Variants in CFAP299 observed in about 807,000 individuals in gnomAD.
The protein encoded by CFAP299 is cilia- and flagella-associated protein 299.
In CFAP299, 21 loss-of-function variants were observed where a neutral mutation model predicts 27.0. That is an observed-to-expected ratio of 0.78 (90% CI 0.55 to 1.12). The LOEUF (loss-of-function observed/expected upper bound fraction) is 1.12. Among genes scored for constraint, CFAP299 ranks in the 50% most tolerant of loss-of-function variants. CFAP299 has a pLI of 0.00. For synonymous variants in CFAP299, 104 were observed against 98.1 expected (o/e 1.06, Z -0.36); for missense variants, 310 against 276.6 (o/e 1.12, Z -0.86).
intron 3 of CFAP299, among the ~76,000 whole-genome samples, chr4:80,842,842 A>T (rs990798211): frequency 6.6e-6 from 1 of 152,158 alleles, no homozygotes; most frequent in Non-Finnish European, 1.5e-5. Flanking sequence ...ATAGTGGATG[A>T]CAGTGGATAA....
intron 2 of CFAP299, among the ~76,000 whole-genome samples, chr4:80,432,818 G>A (rs939069000): frequency 2.6e-5 from 4 of 152,038 alleles, no homozygotes; most frequent in East Asian, 1.9e-4. Context: ...CACCGTGCCC[G>A]GCCTACACTC....
chr4:80,835,480 T>TAAA (rs75865319), intron 3 of CFAP299, among the ~76,000 whole-genome samples: 156 of 143,414 alleles, frequency 1.1e-3, no homozygotes, highest in African/African-American at 3.9e-3. Context: ...GCACCCACAT[T>TAAA]AAAAAAAAAA....
At chr4:80,367,856 A>G in intron 2 of CFAP299, among the ~76,000 whole-genome samples, 1 of 152,098 alleles carries the variant, frequency 6.6e-6, no homozygotes, top group Non-Finnish European at 1.5e-5. Context: ...GATAATTTCT[A>G]TTTATAGTGA....
chr4:80,799,886 T>C (rs1437971300), intron 3 of CFAP299, among the ~76,000 whole-genome samples: 5 of 41,178 alleles, frequency 1.2e-4, no homozygotes, highest in African/African-American at 5.5e-4. Flanking sequence ...TATTATATAA[T>C]ATATAAATTA....
chr4:80,818,860 A>C (rs1729555986), intron 3 of CFAP299, among the ~76,000 whole-genome samples: 1 of 152,156 alleles, frequency 6.6e-6, no homozygotes, highest in Admixed American at 6.6e-5. Flanking sequence ...GCATGAATAG[A>C]ATCAGAAACA....
At chr4:80,959,748 T>C (rs1578269406) in intron 5 of CFAP299, among the ~76,000 whole-genome samples, 4 of 152,032 alleles carry the variant, frequency 2.6e-5, no homozygotes, top group Admixed American at 2.6e-4. Context: ...GAGATAGTTT[T>C]AAGTGTAAAA....
chr4:80,561,666 T>A (rs1350234405), intron 2 of CFAP299, among the ~76,000 whole-genome samples: 2 of 151,946 alleles, frequency 1.3e-5, no homozygotes, highest in Non-Finnish European at 2.9e-5. Flanking sequence ...ACTGTCATAC[T>A]GAAGAATGCA....
chr4:80,911,112 A>G (rs2110203370), intron 4 of CFAP299, among the ~76,000 whole-genome samples: 1 of 152,072 alleles, frequency 6.6e-6, no homozygotes, highest in African/African-American at 2.4e-5. Context: ...TGTGCACTTC[A>G]AAGTATTTAA....
chr4:80,871,216 A>G (rs1733078659), intron 4 of CFAP299: 2 of 985,304 alleles, frequency 2.0e-6, no homozygotes, highest in Admixed American at 6.2e-5. Flanking sequence ...TCCCATCTCC[A>G]CTGTAATGGA....
intron 3 of CFAP299, among the ~76,000 whole-genome samples, chr4:80,649,359 C>G (rs1740178914): frequency 6.6e-6 from 1 of 152,076 alleles, no homozygotes; most frequent in African/African-American, 2.4e-5. Context: ...TGAGAAGCTT[C>G]TTCATAGAAG....
At chr4:80,439,853 G>A (rs1055587249) in intron 2 of CFAP299, among the ~76,000 whole-genome samples, 8 of 152,144 alleles carry the variant, frequency 5.3e-5, no homozygotes, top group Admixed American at 1.3e-4. Context: ...TGCGACACTC[G>A]AGCTTGGTGG....
intron 3 of CFAP299, among the ~76,000 whole-genome samples, chr4:80,705,021 T>C (rs1721741083): frequency 6.6e-6 from 1 of 151,744 alleles, no homozygotes; most frequent in Non-Finnish European, 1.5e-5. Context: ...TAGAAACTGC[T>C]GATAACAATA....
intron 2 of CFAP299, among the ~76,000 whole-genome samples, chr4:80,484,336 A>C (rs1730708754): frequency 6.6e-6 from 1 of 152,172 alleles, no homozygotes; most frequent in Admixed American, 6.5e-5. Context: ...GACATAAAAA[A>C]ATAAAATATT....
chr4:80,524,881 T>C (rs866744741), intron 2 of CFAP299, among the ~76,000 whole-genome samples: 1 of 152,286 alleles, frequency 6.6e-6, no homozygotes. Flanking sequence ...CGAAGCTGCA[T>C]TCAGGTGTTG....
At chr4:80,532,852 G>A (rs780063819) in intron 2 of CFAP299, among the ~76,000 whole-genome samples, 3 of 152,170 alleles carry the variant, frequency 2.0e-5, no homozygotes, top group Non-Finnish European at 4.4e-5. Flanking sequence ...TAGCAGTGAC[G>A]GTAGGTCACT....
the CFAP299 span, among the ~76,000 whole-genome samples, chr4:80,328,947 C>T: frequency 6.6e-6 from 1 of 152,020 alleles, no homozygotes; most frequent in South Asian, 2.1e-4. Flanking sequence ...ACTTTTTTCT[C>T]ATATATTTTC....
chr4:80,899,034 G>A (rs961281122), intron 4 of CFAP299, among the ~76,000 whole-genome samples: 1 of 152,188 alleles, frequency 6.6e-6, no homozygotes, highest in Non-Finnish European at 1.5e-5. Flanking sequence ...GATGTCTGGA[G>A]CCAAACTGGA....
At chr4:80,620,976 C>T (rs115932225) in intron 3 of CFAP299, among the ~76,000 whole-genome samples, 328 of 152,156 alleles carry the variant, frequency 2.2e-3, no homozygotes, top group Non-Finnish European at 3.3e-3. Context: ...TCTGTGGTTG[C>T]TACTTCCAAG....
intron 3 of CFAP299, among the ~76,000 whole-genome samples, chr4:80,719,463 C>A (rs1200476200): frequency 6.6e-6 from 1 of 152,102 alleles, no homozygotes; most frequent in African/African-American, 2.4e-5. Context: ...ATGACTGTAC[C>A]ATTTGTATTC....
Sources: allele counts gnomAD v4.1 joint callset (sites outside exome capture counted in the v4.1 genomes callset), GRCh38; gene constraint gnomAD v4.1.1; transcripts MANE v1.5; gene names NCBI Gene and HGNC (gene_info 2026-07-23, HGNC 2026-07-21).